Variants in GMNC observed in about 807,000 individuals in gnomAD.
GMNC encodes geminin coiled-coil domain-containing protein 1.
A neutral mutation model predicts 33.6 loss-of-function variants in GMNC; 16 were observed. That is an observed-to-expected ratio of 0.48 (90% confidence interval 0.32 to 0.72). The LOEUF (loss-of-function observed/expected upper bound fraction) is 0.72, where lower values mean the gene tolerates loss of function less well. Among genes scored for constraint, GMNC ranks in the 30% least tolerant of loss-of-function variants. GMNC has a pLI of 0.03. For synonymous variants in GMNC, 156 were observed against 147.3 expected (o/e 1.06, Z -0.43); for missense variants, 393 against 388.9 (o/e 1.01, Z -0.09).
rs963181247 is a variant in GMNC, at chr3:190,855,434, T to A, written c.866A>T (p.Asn289Ile). Reference protein sequence around the residue: ...LPYYTAHVSPNKTEMAFSTSL... With the variant: ...LPYYTAHVSPIKTEMAFSTSL... ...TGTGGAAAATGCCATCTCTGTCTTGTTGGGTGACACATGAGCAGTATAGTA... is the reference window on the plus strand; with the variant it reads ...TGTGGAAAATGCCATCTCTGTCTTGATGGGTGACACATGAGCAGTATAGTA... Residue 289 changes from asparagine (N) to isoleucine (I), a missense_variant, in exon 5 of 5, where the codon AAC (asparagine) becomes ATC (isoleucine). Physicochemically the swap from Asn to Ile is moderately radical, Grantham distance 149. Transcript: ENST00000442080. 1 of 1,551,982 alleles carries A rather than the reference T, an allele frequency of 6.4e-7. No homozygotes were observed. The highest frequency in any genetic ancestry group is 8.7e-7 in the Non-Finnish European group (1 of 1,147,008).
chr3:190,856,364 AATATTTAGAAATAG>A (rs1737741790), intron 4 of GMNC, among the ~76,000 whole-genome samples: 1 of 141,942 alleles, frequency 7.0e-6, no homozygotes, highest in African/African-American at 2.6e-5. Flanking sequence ...TATATTTATA[AATATTTAGAAATAG>A]ATATATTTAT....
chr3:190,845,037 T>A, the GMNC span, among the ~76,000 whole-genome samples: 2 of 152,250 alleles, frequency 1.3e-5, no homozygotes. Flanking sequence ...AGTAAACCAC[T>A]CAACTCAAAA....
Position 190,862,362 on chromosome 3 carries a change from A to AAGAG in GMNC, c.3+247_3+250dup, listed in dbSNP as rs371567527. Among the ~76,000 whole-genome samples the AAGAG allele has an allele frequency of 4.0e-3, 594 of 147,660 alleles. 3 individuals are homozygous for AAGAG. The highest frequency in any genetic ancestry group is 0.024 in the Middle Eastern group (7 of 286). On this transcript the variant is annotated intron_variant, in intron 1 of 4. Coordinates refer to ENST00000442080, the MANE Select transcript of GMNC (RefSeq NM_001146686.3). The surrounding 1 kb of genome is among the most constrained non-coding windows in gnomAD (Gnocchi z 4.5). ...AAGTAAGGAAAGTAGTAATAACAGA[A>AAGAG]AGAGAGAGAGAGGGCGAGAGAGAGA... is the stretch of plus-strand genomic sequence containing the variant.
chr3:190,853,880 A>G lies in GMNC; in HGVS notation c.*1415T>C, dbSNP rs1197264465. 1.3e-5 allele frequency: 2 copies of G among 152,192 alleles called. No individual in the cohort carries two copies. The highest frequency in any genetic ancestry group is 2.9e-5 in the Non-Finnish European group (2 of 68,014). 9.4% of individuals were successfully genotyped at this position (152,192 alleles called of 1,614,324 possible). A position where few individuals can be genotyped will look rare whatever the true frequency, so the allele number is the denominator to read the frequency against. ...TGAAGTCCTTGATAGCAATATTTAT[A>G]TGCAATCTATCCGCACTTATTTAAA... On this transcript the variant is annotated 3_prime_UTR_variant, in exon 5 of 5. Coordinates refer to ENST00000442080, the MANE Select transcript of GMNC (RefSeq NM_001146686.3).
rs1413128441 is a variant in GMNC, at chr3:190,861,965, A to G, written c.3+648T>C. Reference sequence around the variant, plus strand: ...GAGAGAAAACAAATAAGAAGAAAAAAGAGAAAAAAAAGTTAAGTCAATTCA... The same window carrying G: ...GAGAGAAAACAAATAAGAAGAAAAAGGAGAAAAAAAAGTTAAGTCAATTCA... On this transcript the variant is annotated intron_variant, in intron 1 of 4. Coordinates refer to ENST00000442080, the MANE Select transcript of GMNC (RefSeq NM_001146686.3). The surrounding 1 kb of genome is among the most constrained non-coding windows in gnomAD (Gnocchi z 5.1). 6.6e-6 allele frequency among the ~76,000 whole-genome samples: 1 copy of G among 152,178 alleles called. No homozygotes were observed. The highest frequency in any genetic ancestry group is 6.5e-5 in the Admixed American group (1 of 15,286).
chr3:190,856,864 T>TATTATATCA (rs1737757996), intron 4 of GMNC, among the ~76,000 whole-genome samples: 1 of 151,834 alleles, frequency 6.6e-6, no homozygotes, highest in South Asian at 2.1e-4. Flanking sequence ...ATAATAAGTG[T>TATTATATCA]CCTTTTATGG....
chr3:190,845,261 C>T, the GMNC span, among the ~76,000 whole-genome samples: 2 of 152,006 alleles, frequency 1.3e-5, no homozygotes, highest in Non-Finnish European at 2.9e-5. Context: ...TTGGCAGATG[C>T]GTTAATATCA....
chr3:190,862,655 C>A lies in GMNC; in HGVS notation c.-40G>T. 6.4e-7 allele frequency: 1 copy of A among 1,552,156 alleles called. No individual in the cohort carries two copies. Among genetic ancestry groups the A allele is most frequent in the Non-Finnish European group, 8.7e-7 (1 of 1,147,042 alleles). ...AAGCGCTGCAGAAACTGAGCCCACT[C>A]AATTTTTCAGTAAAACCAGTGGGAG... On this transcript the variant is annotated 5_prime_UTR_variant, in exon 1 of 5. Transcript: ENST00000442080. This position sits in a 1 kb window ranked among gnomAD's most constrained non-coding sequence, Gnocchi z 4.5.
Position 190,855,743 on chromosome 3 carries a change from T to C in GMNC, c.557A>G (p.Asp186Gly). 1 of 1,551,526 alleles carries C rather than the reference T, an allele frequency of 6.4e-7. No homozygotes were observed. Among genetic ancestry groups the C allele is most frequent in the South Asian group, 1.2e-5 (1 of 84,060 alleles). Residue 186 changes from aspartate (D) to glycine (G), a missense_variant, in exon 5 of 5, where the codon GAT (aspartate) becomes GGT (glycine). Transcript: ENST00000442080. ...CCCAAGTGTTTGAAGGACCCAGGGATCCACAGGGGGCCCAGCTTGTTCTTC... is the reference window on the plus strand; with the variant it reads ...CCCAAGTGTTTGAAGGACCCAGGGACCCACAGGGGGCCCAGCTTGTTCTTC... ...NCEEQAGPPV[D>G]PWVLQTLGLK...
In GMNC at chr3:190,862,381, A is replaced by AGAGAGAAAG. The variant is rs1225849022; in HGVS notation, c.3+223_3+231dup. 1.3e-5 allele frequency among the ~76,000 whole-genome samples: 2 copies of AGAGAGAAAG among 148,624 alleles called. No individual in the cohort carries two copies. The highest frequency in any genetic ancestry group is 3.0e-5 in the Non-Finnish European group (2 of 67,278). On this transcript the variant is annotated intron_variant, in intron 1 of 4. Coordinates refer to ENST00000442080, the MANE Select transcript of GMNC (RefSeq NM_001146686.3). The surrounding 1 kb of genome is among the most constrained non-coding windows in gnomAD (Gnocchi z 4.5). Reference sequence around the variant, plus strand: ...AACAGAAAGAGAGAGAGAGGGCGAGAGAGAGAAAGGAGAGAAAGAAGAGGG... The same window carrying AGAGAGAAAG: ...AACAGAAAGAGAGAGAGAGGGCGAGAGAGAGAAAGGAGAGAAAGGAGAGAAAGAAGAGGG...
chr3:190,861,891 A>G lies in GMNC; in HGVS notation c.3+722T>C, dbSNP rs953509144. Among the ~76,000 whole-genome samples the G allele has an allele frequency of 6.6e-6, 1 of 152,232 alleles. No homozygotes were observed. The highest frequency in any genetic ancestry group is 1.5e-5 in the Non-Finnish European group (1 of 68,034). On this transcript the variant is annotated intron_variant, in intron 1 of 4. Coordinates refer to ENST00000442080, the MANE Select transcript of GMNC (RefSeq NM_001146686.3). The surrounding 1 kb of genome is among the most constrained non-coding windows in gnomAD (Gnocchi z 5.1). ...CATTTTAGCAGAGCCCAGCTTTGGA[A>G]AAACTCTTTTTGACTACTACAGGGC...
At chr3:190,860,062 C>A (rs1737828018) in intron 2 of GMNC, among the ~76,000 whole-genome samples, 1 of 152,120 alleles carries the variant, frequency 6.6e-6, no homozygotes, top group Admixed American at 6.5e-5. Flanking sequence ...ATATTTAATT[C>A]TGGGGTGTCT....
chr3:190,852,537 TATGTG>T (rs1380567324), downstream of GMNC, among the ~76,000 whole-genome samples: 1 of 152,128 alleles, frequency 6.6e-6, no homozygotes, highest in East Asian at 1.9e-4. Context: ...TTCTAATTTT[TATGTG>T]TGGCTAGTTA....
downstream of GMNC, among the ~76,000 whole-genome samples, chr3:190,852,679 G>A (rs1376833201): frequency 6.6e-6 from 1 of 152,052 alleles, no homozygotes; most frequent in Non-Finnish European, 1.5e-5. Context: ...TCTGGCCATA[G>A]ACATCATACA....
downstream of GMNC, among the ~76,000 whole-genome samples, chr3:190,852,053 ATTCTAT>A (rs930824722): frequency 1.2e-3 from 180 of 152,196 alleles, no homozygotes; most frequent in African/African-American, 3.8e-3. Context: ...TTGAAAACAA[ATTCTAT>A]TTGATTTAGT....
downstream of GMNC, among the ~76,000 whole-genome samples, chr3:190,848,466 T>TTAC (rs1737585269): frequency 6.6e-6 from 1 of 152,322 alleles, no homozygotes; most frequent in South Asian, 2.1e-4. Flanking sequence ...TTCCCTCCAC[T>TTAC]TACTAACTGG....
At position 190,857,889 on chromosome 3, in the gene GMNC, G is replaced by C. The variant is rs569642057; in HGVS notation, c.278C>G (p.Thr93Ser). The C allele has an allele frequency of 1.3e-6, 2 of 1,540,300 alleles. No homozygotes were observed. Among genetic ancestry groups the C allele is most frequent in the Admixed American group, 2.0e-5 (1 of 50,950 alleles). The change falls in exon 4 of 5, where the codon ACC becomes AGC. Residue 93 changes from threonine (T) to serine (S), a missense_variant. Physicochemically the swap from Thr to Ser is moderately conservative, Grantham distance 58. Transcript: ENST00000442080. ...GAGTTCTTCTTCCTTCTGCACCAGG[G>C]TATCTTGCAGCTACAAAAAGCAGAC... The part of the protein sequence containing the change: ...QLYRNKQLQD[T>S]LVQKEEELAR...
chr3:190,859,398 T>C (rs1436881427), intron 2 of GMNC, among the ~76,000 whole-genome samples: 2 of 152,216 alleles, frequency 1.3e-5, no homozygotes, highest in African/African-American at 4.8e-5. Flanking sequence ...TTTTTCTAGT[T>C]TTTATCTTAT....
rs1232818024 is a variant in GMNC at position 190,855,907 on chromosome 3, G to C, written c.393C>G (p.Leu131=). Residue 131 remains leucine (L), a synonymous_variant, in exon 5 of 5, where the codon CTC becomes CTG. Transcript: ENST00000442080. ...KCLEEKAKKL[L]SSDEFSKAYG... is the part of the protein sequence containing the mutation. Reference sequence around the variant, plus strand: ...ATGCTTTGGAGAACTCATCAGATGAGAGCAATTTCTAGGGAAGTGATATTT... The same window carrying C: ...ATGCTTTGGAGAACTCATCAGATGACAGCAATTTCTAGGGAAGTGATATTT... 6.5e-7 allele frequency: 1 copy of C among 1,533,404 alleles called. No homozygotes were observed. The highest frequency in any genetic ancestry group is 1.2e-5 in the South Asian group (1 of 80,880). 95.0% of individuals were successfully genotyped at this position (1,533,404 alleles called of 1,614,324 possible).
Sources: allele counts gnomAD v4.1 joint callset (sites outside exome capture counted in the v4.1 genomes callset), GRCh38; gene constraint gnomAD v4.1.1; non-coding constraint Gnocchi (gnomAD v3.1); transcripts MANE v1.5; gene names NCBI Gene and HGNC (gene_info 2026-07-23, HGNC 2026-07-21).